The following FOXP1 variants were observed in gnomAD, a reference collection of about 807,000 sequenced individuals.
FOXP1 encodes forkhead box P1.
Under a neutral mutation model 98.2 loss-of-function variants are expected in FOXP1, and 15 were observed. The observed-to-expected ratio is 0.15, with a 90% CI of 0.10 to 0.24. The LOEUF is 0.24. Among genes scored for constraint, FOXP1 ranks in the 10% least tolerant of loss-of-function variants. The pLI, the probability that FOXP1 is intolerant of heterozygous loss-of-function variation, is 1.00. For missense variants in FOXP1, 633 were observed against 848.5 expected (o/e 0.75, Z 3.15); for synonymous variants, 371 against 314.5 (o/e 1.18, Z -1.90).
At chr3:71,197,870 C>T in intron 6 of FOXP1, 1 of 1,613,412 alleles carries the variant, frequency 6.2e-7, no homozygotes, top group Non-Finnish European at 8.5e-7. Flanking sequence ...TGCATGAAAG[C>T]AGTGGGAACC....
At chr3:71,084,713 C>T (rs2054832819) in intron 7 of FOXP1, among the ~76,000 whole-genome samples, 1 of 152,150 alleles carries the variant, frequency 6.6e-6, no homozygotes, top group African/African-American at 2.4e-5. Flanking sequence ...TCTTTGCTTT[C>T]TCCTAAATAA....
chr3:71,157,135 T>A (rs556489152), intron 6 of FOXP1, among the ~76,000 whole-genome samples: 1 of 152,302 alleles, frequency 6.6e-6, no homozygotes, highest in South Asian at 2.1e-4. Flanking sequence ...CAGGTCTGGA[T>A]CTAACCTTGG....
In FOXP1 at chr3:71,581,838, C is replaced by A. The variant is rs907229322; in HGVS notation, c.-446-141G>T. The A allele has an allele frequency of 2.6e-5, 26 of 986,150 alleles. No individual in the cohort carries two copies. In the South Asian group the frequency reaches 1.0e-3, roughly 39 times the overall value. 61.1% of individuals were successfully genotyped at this position (986,150 alleles called of 1,614,324 possible). The stretch of plus-strand genomic sequence containing the variant: ...CGGGCTCCGAGGACCCGCGAGTGCG[C>A]GTGGAGGGAAGAGAGGATGCGGCTC... On this transcript the variant is annotated intron_variant, in intron 1 of 20. Coordinates refer to ENST00000649528, the MANE Select transcript of FOXP1 (RefSeq NM_001349338.3).
At chr3:70,972,102 C>A in intron 18 of FOXP1, 1 of 1,532,870 alleles carries the variant, frequency 6.5e-7, no homozygotes, top group South Asian at 1.2e-5. Context: ...TCTTCATCAT[C>A]AACTGTCCAA....
chr3:70,979,519 C>G (rs952687607), intron 14 of FOXP1, among the ~76,000 whole-genome samples: 2 of 151,924 alleles, frequency 1.3e-5, no homozygotes, highest in Non-Finnish European at 2.9e-5. Context: ...CTCAGATACA[C>G]AGACCCACCC....
At chr3:71,026,452 A>C (rs540502830) in intron 11 of FOXP1, among the ~76,000 whole-genome samples, 1 of 152,248 alleles carries the variant, frequency 6.6e-6, no homozygotes, top group South Asian at 2.1e-4. Context: ...CTTTAATTTG[A>C]ATTTTCACAG....
At chr3:71,005,426 C>T (rs886104132) in intron 12 of FOXP1, among the ~76,000 whole-genome samples, 44 of 147,508 alleles carry the variant, frequency 3.0e-4, no homozygotes, top group African/African-American at 1.1e-3. Flanking sequence ...TATTCTTCTT[C>T]AAGACTATAA....
At chr3:71,444,797 C>A (rs991093909) in intron 3 of FOXP1, among the ~76,000 whole-genome samples, 4 of 152,150 alleles carry the variant, frequency 2.6e-5, no homozygotes, top group Admixed American at 1.3e-4. Context: ...AACAGGCCTG[C>A]TGCAGACAGA....
chr3:71,533,937 C>T (rs564500723), intron 2 of FOXP1, among the ~76,000 whole-genome samples: 2 of 152,236 alleles, frequency 1.3e-5, no homozygotes, highest in African/African-American at 2.4e-5. Flanking sequence ...CTTGGTGTCA[C>T]GGGAAGCCCA....
intron 11 of FOXP1, among the ~76,000 whole-genome samples, chr3:71,029,488 T>G (rs949215069): frequency 1.3e-5 from 2 of 152,060 alleles, no homozygotes; most frequent in African/African-American, 4.8e-5. Context: ...CCTCCCGGGT[T>G]CAAGTGATTC....
At chr3:70,996,748 C>T (rs1218576676) in intron 13 of FOXP1, among the ~76,000 whole-genome samples, 1 of 152,138 alleles carries the variant, frequency 6.6e-6, no homozygotes, top group Non-Finnish European at 1.5e-5. Context: ...CATCCTGAAC[C>T]TCCATCGATG....
At chr3:71,264,654 T>G (rs1047431682) in intron 5 of FOXP1, among the ~76,000 whole-genome samples, 2 of 152,170 alleles carry the variant, frequency 1.3e-5, no homozygotes, top group Non-Finnish European at 2.9e-5. Flanking sequence ...GTTCCCAGCA[T>G]CCTTGTCATC....
At chr3:71,417,390 C>CACCAAA (rs1335205828) in intron 3 of FOXP1, among the ~76,000 whole-genome samples, 1 of 152,222 alleles carries the variant, frequency 6.6e-6, no homozygotes, top group African/African-American at 2.4e-5. Flanking sequence ...TAAGACCCGG[C>CACCAAA]ACCAAAACCA....
intron 4 of FOXP1, among the ~76,000 whole-genome samples, chr3:71,304,949 C>T (rs918855161): frequency 1.3e-5 from 2 of 152,168 alleles, no homozygotes; most frequent in Non-Finnish European, 2.9e-5. Flanking sequence ...ATAATTCCCA[C>T]ACCCTGAAAT....
At chr3:71,325,049 CTTGA>C (rs1271118266) in intron 4 of FOXP1, among the ~76,000 whole-genome samples, 4 of 132,598 alleles carry the variant, frequency 3.0e-5, no homozygotes, top group Non-Finnish European at 6.4e-5. Flanking sequence ...GGTATAATCC[CTTGA>C]TTTTTTTTTT....
intron 7 of FOXP1, among the ~76,000 whole-genome samples, chr3:71,104,403 C>T (rs1384600860): frequency 6.6e-6 from 1 of 152,186 alleles, no homozygotes; most frequent in Non-Finnish European, 1.5e-5. Context: ...CGCCCTTCTG[C>T]TGCTGTTGCT....
chr3:71,354,033 G>A (rs904357865), intron 4 of FOXP1, among the ~76,000 whole-genome samples: 7 of 151,912 alleles, frequency 4.6e-5, no homozygotes, highest in Admixed American at 3.3e-4. Flanking sequence ...TGGGCTGGGC[G>A]CGGTGGTTCA....
At chr3:71,316,507 G>A (rs996911977) in intron 4 of FOXP1, among the ~76,000 whole-genome samples, 27 of 152,100 alleles carry the variant, frequency 1.8e-4, no homozygotes, top group Non-Finnish European at 4.4e-5. Context: ...GGTCCCACGT[G>A]GGGCCCGGCA....
Position 71,016,964 on chromosome 3 carries a change from A to G in FOXP1, c.870-1311T>C, listed in dbSNP as rs549790042. 2.0e-5 allele frequency among the ~76,000 whole-genome samples: 3 copies of G among 152,248 alleles called. No individual in the cohort carries two copies. In the South Asian group the frequency reaches 6.2e-4, roughly 32 times the overall value. On this transcript the variant is annotated intron_variant, in intron 11 of 20. Coordinates refer to ENST00000649528, the MANE Select transcript of FOXP1 (RefSeq NM_001349338.3). ...GGAAATCTAATATAATTTAAAGATA[A>G]TAACAAGCTATTTTGCCCTACCACA...
Sources: gnomAD v4.1 joint callset for allele counts (sites outside exome capture counted in the v4.1 genomes callset) on GRCh38, gnomAD v4.1.1 for gene constraint, MANE v1.5 for transcripts, NCBI Gene and HGNC (gene_info 2026-07-23, HGNC 2026-07-21) for gene names.